SPEF2: variants seen among roughly 807,000 people sequenced by gnomAD.
SPEF2 encodes the protein sperm flagellar and cilia associated 2, also known as sperm flagella and cilia-associated protein 2.
In SPEF2, 187 loss-of-function variants were observed where a neutral mutation model predicts 224.6. The ratio of observed to expected loss-of-function variants is 0.83; its 90% CI spans 0.74 to 0.94. SPEF2 has a LOEUF of 0.94. Among genes scored for constraint, SPEF2 ranks in the 40% least tolerant of loss-of-function variants. The pLI, the probability that SPEF2 is intolerant of heterozygous loss-of-function variation, is 0.00. For missense variants in SPEF2, 2,170 were observed against 2,135.6 expected (o/e 1.02, Z -0.32); for synonymous variants, 715 against 707.3 (o/e 1.01, Z -0.17).
chr5:35,813,660 T>C (rs548647571), intron 36 of SPEF2, among the ~76,000 whole-genome samples: 1 of 152,326 alleles, frequency 6.6e-6, no homozygotes, highest in Non-Finnish European at 1.5e-5. Context: ...CTATGATTCC[T>C]CGCAGTGACT....
At chr5:35,804,859 T>G (rs570289470) in intron 34 of SPEF2, among the ~76,000 whole-genome samples, 122 of 152,308 alleles carry the variant, frequency 8.0e-4, no homozygotes, top group South Asian at 1.4e-3. Flanking sequence ...AGCAGCTAAT[T>G]GTTTGCTTGC....
chr5:35,653,791 C>CA (rs1158437315), intron 6 of SPEF2, among the ~76,000 whole-genome samples: 2 of 149,436 alleles, frequency 1.3e-5, no homozygotes, highest in African/African-American at 2.5e-5. Context: ...ACTAAAAATA[C>CA]AAAAAATTAG....
intron 34 of SPEF2, among the ~76,000 whole-genome samples, chr5:35,804,597 T>C (rs1757837252): frequency 6.6e-6 from 1 of 152,164 alleles, no homozygotes; most frequent in South Asian, 2.1e-4. Flanking sequence ...AAGCCTATTC[T>C]ATACCAACCC....
intron 21 of SPEF2, among the ~76,000 whole-genome samples, chr5:35,734,086 C>T (rs1746120523): frequency 6.6e-6 from 1 of 152,056 alleles, no homozygotes; most frequent in Non-Finnish European, 1.5e-5. Context: ...TGTTTGGAGG[C>T]CCCTATACTG....
intron 4 of SPEF2, among the ~76,000 whole-genome samples, chr5:35,645,672 A>G (rs1173878486): frequency 6.6e-6 from 1 of 152,200 alleles, no homozygotes; most frequent in Non-Finnish European, 1.5e-5. Context: ...CCTGTCTATT[A>G]GTGCCAAGCC....
At chr5:35,774,083 C>T in intron 28 of SPEF2, 62 bp downstream of exon 28, 1 of 1,569,868 alleles carries the variant, frequency 6.4e-7, no homozygotes, top group South Asian at 1.2e-5. Flanking sequence ...AGCCAAACAG[C>T]CCACAACTGG....
rs767414899 is a variant in SPEF2, at chr5:35,709,030, T to G, written c.2748T>G (p.Pro916=). The G allele has an allele frequency of 5.0e-6, 8 of 1,613,536 alleles. No homozygotes were observed. In the East Asian group the frequency reaches 1.3e-4, roughly 27 times the overall value. ...LAELPLPTPP[P]APPPEPEKEK... ...AGCTTCCACTTCCTACACCTCCTCC[T>G]GCTCCTCCTCCTGAACCAGAAAAAG... The change falls in exon 19 of 37, where the codon CCT becomes CCG. Residue 916 remains proline, a synonymous_variant. Coordinates refer to ENST00000356031, the MANE Select transcript of SPEF2 (RefSeq NM_024867.4).
At chr5:35,644,609 T>C in intron 4 of SPEF2, 84 bp downstream of exon 4, 1 of 1,081,186 alleles carries the variant, frequency 9.2e-7, no homozygotes, top group Non-Finnish European at 1.3e-6. Flanking sequence ...ATTGCATAAG[T>C]AGTAGTGGAG....
chr5:35,735,974 A>G (rs1165571443), intron 21 of SPEF2, among the ~76,000 whole-genome samples: 1 of 152,250 alleles, frequency 6.6e-6, no homozygotes, highest in Admixed American at 6.5e-5. Context: ...TTCAGGGACT[A>G]CTATGTCCCA....
chr5:35,773,423 C>T (rs1182905339), intron 27 of SPEF2, among the ~76,000 whole-genome samples: 1 of 151,316 alleles, frequency 6.6e-6, no homozygotes, highest in Non-Finnish European at 1.5e-5. Context: ...TCTTGACAAT[C>T]ACCCGCATTT....
chr5:35,710,551 T>C (rs1181283403), intron 19 of SPEF2: 1 of 982,620 alleles, frequency 1.0e-6, no homozygotes, highest in Non-Finnish European at 1.2e-6. Context: ...AGTGAAACTC[T>C]ACCTCCAAAA....
chr5:35,653,503 G>T (rs531747723), intron 6 of SPEF2, among the ~76,000 whole-genome samples: 8 of 152,164 alleles, frequency 5.3e-5, no homozygotes, highest in Non-Finnish European at 1.2e-4. Flanking sequence ...GCATTAATGT[G>T]CCTGGTCTGC....
intron 29 of SPEF2, among the ~76,000 whole-genome samples, chr5:35,777,450 C>T (rs1753751244): frequency 6.6e-6 from 1 of 152,102 alleles, no homozygotes; most frequent in Non-Finnish European, 1.5e-5. Context: ...TAATAATATT[C>T]ATTTCTGTTC....
At position 35,687,260 on chromosome 5, in the gene SPEF2, C is replaced by T. The variant is rs78176319; in HGVS notation, c.1525-3777C>T. On this transcript the variant is annotated intron_variant, in intron 10 of 36. Coordinates refer to ENST00000356031, the MANE Select transcript of SPEF2 (RefSeq NM_024867.4). The stretch of plus-strand genomic sequence containing the variant: ...TGTGAAATATAAACCTTATTACATA[C>T]GAAACTTTTACATATAATTAGATCT... Among the ~76,000 whole-genome samples the T allele has an allele frequency of 2.4e-3, 368 of 152,114 alleles. 7 individuals carry two copies. The East Asian group carries it at 0.049, about 20-fold the overall frequency.
chr5:35,706,730 A>G (rs1011411944), intron 18 of SPEF2, among the ~76,000 whole-genome samples: 2 of 152,140 alleles, frequency 1.3e-5, no homozygotes, highest in Non-Finnish European at 2.9e-5. Flanking sequence ...ATAGACATAA[A>G]CCACAATCAC....
rs1171709871 is a variant in SPEF2 at position 35,751,057 on chromosome 5, GTATATATATGTA to G, written c.3331-2557_3331-2546del. Among the ~76,000 whole-genome samples the G allele has an allele frequency of 2.1e-4, 5 of 24,016 alleles. 1 individual carries two copies. The highest frequency in any genetic ancestry group is 2.2e-3 in the South Asian group (1 of 460). 15.8% of individuals were successfully genotyped at this position (24,016 alleles called of 152,430 possible). A position where few individuals can be genotyped will look rare whatever the true frequency, so the allele number is the denominator to read the frequency against. ...TATACACATATGTATATATATATAC[GTATATATATGTA>G]TATATATATACACACACACACACAC... On this transcript the variant is annotated intron_variant, in intron 23 of 36. Transcript: ENST00000356031.
intron 10 of SPEF2, among the ~76,000 whole-genome samples, chr5:35,685,903 C>G (rs1561194976): frequency 6.6e-6 from 1 of 151,456 alleles, no homozygotes. Flanking sequence ...GCAATCCAGA[C>G]TAGCAGAAGT....
chr5:35,625,288 C>T (rs887217625), intron 1 of SPEF2, among the ~76,000 whole-genome samples: 3 of 152,184 alleles, frequency 2.0e-5, no homozygotes, highest in African/African-American at 7.2e-5. Flanking sequence ...TTATCCATAT[C>T]ATAATTGCCT....
At chr5:35,691,687 C>T (rs1168084642) in intron 11 of SPEF2, among the ~76,000 whole-genome samples, 1 of 152,182 alleles carries the variant, frequency 6.6e-6, no homozygotes, top group Non-Finnish European at 1.5e-5. Flanking sequence ...GTGATGGTTG[C>T]ACACATTGTG....
Sources: allele counts gnomAD v4.1 joint callset (sites outside exome capture counted in the v4.1 genomes callset), GRCh38; gene constraint gnomAD v4.1.1; transcripts MANE v1.5; gene names NCBI Gene and HGNC (gene_info 2026-07-23, HGNC 2026-07-21).